Variants in SHISA9 observed in about 807,000 individuals in gnomAD.
SHISA9 encodes the protein shisa family member 9.
SHISA9 carries 13 observed loss-of-function variants against 38.0 expected under a neutral mutation model. The ratio of observed to expected loss-of-function variants is 0.34; its 90% CI spans 0.22 to 0.54. SHISA9 has a LOEUF of 0.54. SHISA9 is among the 20% of genes least tolerant of loss of function. The pLI is 0.91. For synonymous variants in SHISA9, 275 were observed against 242.0 expected (o/e 1.14, Z -1.27); for missense variants, 538 against 575.8 (o/e 0.93, Z 0.67).
chr16:13,329,683 G>C, the SHISA9 span, among the ~76,000 whole-genome samples: 1 of 152,146 alleles, frequency 6.6e-6, no homozygotes, highest in Non-Finnish European at 1.5e-5. Flanking sequence ...ACATGCCCAG[G>C]ACAACCTGCT....
At chr16:13,083,555 A>T (rs1425776996) in intron 2 of SHISA9, among the ~76,000 whole-genome samples, 2 of 152,176 alleles carry the variant, frequency 1.3e-5, no homozygotes, top group East Asian at 3.9e-4. Context: ...GAGACCAGCT[A>T]GGTCAGCTAT....
the SHISA9 span, among the ~76,000 whole-genome samples, chr16:13,357,588 G>A: frequency 1.4e-4 from 21 of 152,316 alleles, no homozygotes; most frequent in African/African-American, 4.6e-4. Flanking sequence ...ATGCGCGTCC[G>A]TGTGAAGAGA....
chr16:13,279,376 A>G, the SHISA9 span, among the ~76,000 whole-genome samples: 2 of 151,934 alleles, frequency 1.3e-5, no homozygotes, highest in African/African-American at 4.8e-5. Flanking sequence ...TGGTTGATGG[A>G]GGAAATGTTC....
intron 4 of SHISA9, among the ~76,000 whole-genome samples, chr16:13,226,130 T>C (rs2051277144): frequency 6.6e-6 from 1 of 152,214 alleles, no homozygotes; most frequent in Non-Finnish European, 1.5e-5. Context: ...GGGACTACAC[T>C]GCACAAAGCC....
chr16:12,946,757 T>C (rs2071693377), intron 2 of SHISA9, among the ~76,000 whole-genome samples: 1 of 152,214 alleles, frequency 6.6e-6, no homozygotes, highest in African/African-American at 2.4e-5. Flanking sequence ...CTGTGAGCCA[T>C]TAGCAACCAA....
At chr16:12,904,602 C>T (rs1334364858) in intron 1 of SHISA9, among the ~76,000 whole-genome samples, 1 of 152,132 alleles carries the variant, frequency 6.6e-6, no homozygotes, top group Non-Finnish European at 1.5e-5. Flanking sequence ...GGCCTGGTGG[C>T]AGAATCTAGG....
Position 12,975,779 on chromosome 16 carries a change from T to A in SHISA9, c.691+58964T>A, listed in dbSNP as rs529078092. 1.2e-4 allele frequency among the ~76,000 whole-genome samples: 18 copies of A among 151,868 alleles called. No individual in the cohort carries two copies. The South Asian group carries it at 3.7e-3, about 32-fold the overall frequency. On this transcript the variant is annotated intron_variant, in intron 2 of 4. Transcript: ENST00000558583. The stretch of plus-strand genomic sequence containing the variant: ...GGAAAAAGAGGGAAGATGGCCCAGA[T>A]ATTTGGAAAGATTCTTGGTCATCCT...
At chr16:13,534,775 AGTCGTTAGCCT>A in the SHISA9 span, among the ~76,000 whole-genome samples, 1 of 152,098 alleles carries the variant, frequency 6.6e-6, no homozygotes, top group African/African-American at 2.4e-5. Flanking sequence ...TCCAAGGTGT[AGTCGTTAGCCT>A]GATCTGTCTT....
chr16:13,008,315 C>T (rs1450752666), intron 2 of SHISA9, among the ~76,000 whole-genome samples: 1 of 152,156 alleles, frequency 6.6e-6, no homozygotes, highest in Non-Finnish European at 1.5e-5. Flanking sequence ...CACATCCCCA[C>T]TCCTGAACTG....
chr16:13,214,485 C>A (rs2051149228), intron 4 of SHISA9, among the ~76,000 whole-genome samples: 1 of 152,142 alleles, frequency 6.6e-6, no homozygotes, highest in Non-Finnish European at 1.5e-5. Context: ...GGATTACAAG[C>A]ATGAGCCACC....
the SHISA9 span, among the ~76,000 whole-genome samples, chr16:13,448,685 A>G: frequency 1.4e-4 from 21 of 152,330 alleles, no homozygotes; most frequent in Non-Finnish European, 1.6e-4. Flanking sequence ...AGAATATCCA[A>G]ACATTACAGA....
At chr16:13,437,026 T>A in the SHISA9 span, among the ~76,000 whole-genome samples, 2 of 152,150 alleles carry the variant, frequency 1.3e-5, no homozygotes, top group Admixed American at 6.5e-5. Flanking sequence ...CTCATTTTCA[T>A]GAGAAAAGCA....
intron 2 of SHISA9, among the ~76,000 whole-genome samples, chr16:12,929,080 C>G (rs993932523): frequency 6.6e-6 from 1 of 152,046 alleles, no homozygotes; most frequent in Admixed American, 6.6e-5. Context: ...AAATGAAAGC[C>G]ACAATGAGAT....
At chr16:13,014,702 G>A (rs1435066740) in intron 2 of SHISA9, among the ~76,000 whole-genome samples, 2 of 152,180 alleles carry the variant, frequency 1.3e-5, no homozygotes, top group African/African-American at 4.8e-5. Flanking sequence ...TTCTGAGCCG[G>A]GGGTGGAATT....
At chr16:13,443,278 C>A in the SHISA9 span, among the ~76,000 whole-genome samples, 1 of 152,176 alleles carries the variant, frequency 6.6e-6, no homozygotes, top group African/African-American at 2.4e-5. Flanking sequence ...TCTAACTAAT[C>A]TTCGGAGAAC....
At chr16:13,329,769 G>T in the SHISA9 span, among the ~76,000 whole-genome samples, 4 of 152,154 alleles carry the variant, frequency 2.6e-5, no homozygotes, top group African/African-American at 9.7e-5. Context: ...TGCAGACCTT[G>T]AGCTAAATGA....
the SHISA9 span, among the ~76,000 whole-genome samples, chr16:13,559,516 T>A: frequency 6.6e-6 from 1 of 152,104 alleles, no homozygotes; most frequent in African/African-American, 2.4e-5. Context: ...TAGCTAGGAT[T>A]ATAGCCATGT....
At chr16:13,107,458 AC>A (rs1445803965) in intron 2 of SHISA9, among the ~76,000 whole-genome samples, 4 of 135,662 alleles carry the variant, frequency 2.9e-5, no homozygotes, top group Admixed American at 1.7e-4. Flanking sequence ...AAACAAACAA[AC>A]AAAAAAACAA....
At chr16:13,485,373 A>G in the SHISA9 span, among the ~76,000 whole-genome samples, 12 of 152,120 alleles carry the variant, frequency 7.9e-5, no homozygotes, top group Admixed American at 7.9e-4. Context: ...ACATGAGCTC[A>G]TTCTTTTTTA....
Sources: gnomAD v4.1 joint callset for allele counts (sites outside exome capture counted in the v4.1 genomes callset) on GRCh38, gnomAD v4.1.1 for gene constraint, MANE v1.5 for transcripts, NCBI Gene and HGNC (gene_info 2026-07-23, HGNC 2026-07-21) for gene names.